Variants in EYS observed in about 807,000 individuals in gnomAD.
EYS encodes the protein EGF-like photoreceptor maintenance factor.
EYS carries 250 observed loss-of-function variants against 282.1 expected under a neutral mutation model. The observed-to-expected ratio is 0.89, with a 90% confidence interval of 0.80 to 0.98. The LOEUF is 0.98. EYS is among the 50% of genes least tolerant of loss of function. The pLI is 0.00. For missense variants in EYS, 4,016 were observed against 3,709.0 expected, an observed-to-expected ratio of 1.08 and a Z score of -2.15; for synonymous variants, 1,355 against 1,282.9, an observed-to-expected ratio of 1.06 and a Z score of -1.20.
intron 31 of EYS, among the ~76,000 whole-genome samples, chr6:64,188,330 C>A (rs1358997104): frequency 6.6e-6 from 1 of 152,040 alleles, no homozygotes; most frequent in Non-Finnish European, 1.5e-5. Flanking sequence ...TTCTGATCAT[C>A]TTTTTACACA....
intron 10 of EYS, among the ~76,000 whole-genome samples, chr6:65,338,292 GTC>G (rs1491180584): frequency 3.0e-4 from 46 of 151,138 alleles, no homozygotes; most frequent in Admixed American, 5.3e-4. Context: ...CACATAAGAA[GTC>G]TCTCAGAAAA....
At chr6:65,513,576 A>T (rs200613831) in intron 2 of EYS, among the ~76,000 whole-genome samples, 13 of 149,886 alleles carry the variant, frequency 8.7e-5, no homozygotes, top group African/African-American at 2.2e-4. Context: ...GCAGCACATC[A>T]AAAAGCTTAT....
intron 11 of EYS, among the ~76,000 whole-genome samples, chr6:65,327,619 A>ATGGAATT (rs1415768015): frequency 5.3e-5 from 8 of 151,616 alleles, no homozygotes; most frequent in Admixed American, 3.9e-4. Context: ...ACTTCATACA[A>ATGGAATT]TGGAATTCAT....
chr6:65,320,208 G>T (rs1360408667), intron 11 of EYS, among the ~76,000 whole-genome samples: 1 of 145,556 alleles, frequency 6.9e-6, no homozygotes, highest in Non-Finnish European at 1.5e-5. Context: ...AGGGACTGAA[G>T]TCAAGAGGGA....
intron 30 of EYS, among the ~76,000 whole-genome samples, chr6:64,291,100 T>C (rs1308509716): frequency 6.6e-6 from 1 of 150,938 alleles, no homozygotes; most frequent in Non-Finnish European, 1.5e-5. Flanking sequence ...TTAACTTTTA[T>C]TCTGAAGGCC....
rs2150125939 is a variant in EYS at position 64,997,709 on chromosome 6, A to C, written c.2138-6T>G. 1 of 1,550,282 alleles carries C rather than the reference A, an allele frequency of 6.5e-7. No individual in the cohort carries two copies. The highest frequency in any genetic ancestry group is 2.4e-5 in the East Asian group (1 of 40,840). On this transcript the variant is annotated splice_polypyrimidine_tract_variant and splice_region_variant and intron_variant, in intron 13 of 42. Coordinates refer to ENST00000503581, the MANE Select transcript of EYS (RefSeq NM_001142800.2). The stretch of plus-strand genomic sequence containing the variant: ...GCAGGAAAAGCCATCAACCACTGGA[A>C]ACAACAGAAAAGAGAAAACTCTTAA...
intron 14 of EYS, among the ~76,000 whole-genome samples, chr6:64,953,116 A>G (rs1188285729): frequency 6.6e-6 from 1 of 151,892 alleles, no homozygotes; most frequent in African/African-American, 2.4e-5. Context: ...CTATAAATGA[A>G]GGATTAAAAT....
intron 22 of EYS, among the ~76,000 whole-genome samples, chr6:64,693,527 T>A (rs1202235579): frequency 6.6e-6 from 1 of 152,160 alleles, no homozygotes; most frequent in East Asian, 1.9e-4. Flanking sequence ...GGTGCCAAAG[T>A]AATTCAATAG....
chr6:64,634,979 T>C (rs547397080), intron 22 of EYS, among the ~76,000 whole-genome samples: 7 of 152,244 alleles, frequency 4.6e-5, no homozygotes, highest in African/African-American at 1.7e-4. Context: ...TCCATTTGTT[T>C]GTATCCTCTT....
intron 1 of EYS, among the ~76,000 whole-genome samples, chr6:65,659,923 T>C (rs1286881411): frequency 6.6e-6 from 1 of 151,688 alleles, no homozygotes; most frequent in Admixed American, 6.6e-5. Flanking sequence ...AGATAACAGC[T>C]CTTGGAAGTC....
chr6:63,987,536 G>A (rs1767424629), intron 34 of EYS, among the ~76,000 whole-genome samples: 1 of 151,612 alleles, frequency 6.6e-6, no homozygotes, highest in Admixed American at 6.6e-5. Context: ...TTCTCTGTAA[G>A]AATTTATGAG....
intron 35 of EYS, among the ~76,000 whole-genome samples, chr6:63,912,298 C>G (rs420788): frequency 6.6e-6 from 1 of 151,992 alleles, no homozygotes; most frequent in Admixed American, 6.5e-5. Flanking sequence ...AATTTCTAGG[C>G]CAGGGCTATT....
chr6:64,504,051 G>A (rs981011466), intron 26 of EYS, among the ~76,000 whole-genome samples: 10 of 152,136 alleles, frequency 6.6e-5, no homozygotes, highest in Admixed American at 5.9e-4. Context: ...CTGTGGATCT[G>A]TGAGTCAACT....
In EYS at chr6:64,618,179, A is replaced by C. The variant is rs146961956; in HGVS notation, c.3569-646T>G. 4.6e-3 allele frequency among the ~76,000 whole-genome samples: 693 copies of C among 152,280 alleles called. 6 individuals are homozygous for C. Among genetic ancestry groups the C allele is most frequent in the Non-Finnish European group, 5.6e-3 (383 of 67,986 alleles). The stretch of plus-strand genomic sequence containing the variant: ...ATTTTGTTTGGCTTTTGCTAGTCAA[A>C]CATTTTATTATTTCCATCATCAACC... On this transcript the variant is annotated intron_variant, in intron 23 of 42. Coordinates refer to ENST00000503581, the MANE Select transcript of EYS (RefSeq NM_001142800.2).
intron 11 of EYS, among the ~76,000 whole-genome samples, chr6:65,310,820 C>T (rs1314404173): frequency 1.3e-5 from 2 of 152,152 alleles, no homozygotes; most frequent in East Asian, 1.9e-4. Context: ...GGGTTTTCAC[C>T]ATCCTAGCTA....
chr6:64,568,587 C>A (rs1248306371), intron 26 of EYS, among the ~76,000 whole-genome samples: 2 of 152,164 alleles, frequency 1.3e-5, no homozygotes, highest in Non-Finnish European at 2.9e-5. Flanking sequence ...CCTGCTGACT[C>A]TGAAGAGAGA....
intron 2 of EYS, among the ~76,000 whole-genome samples, chr6:65,523,011 G>A (rs1025177873): frequency 4.6e-5 from 7 of 151,874 alleles, no homozygotes; most frequent in African/African-American, 1.7e-4. Flanking sequence ...TGATTATTTT[G>A]TGAGAATTAA....
intron 2 of EYS, among the ~76,000 whole-genome samples, chr6:65,520,311 A>T (rs1767319258): frequency 6.6e-6 from 1 of 152,120 alleles, no homozygotes; most frequent in East Asian, 1.9e-4. Flanking sequence ...ATTTCCACAA[A>T]ATTTATAGTT....
rs55860475 is a variant in EYS at position 63,930,280 on chromosome 6, A to ACC, written c.7055+54101_7055+54102dup. Among the ~76,000 whole-genome samples the ACC allele has an allele frequency of 8.6e-3, 1,106 of 128,000 alleles. 3 individuals are homozygous for ACC. The highest frequency in any genetic ancestry group is 0.011 in the Non-Finnish European group (687 of 62,498). 84.0% of individuals were successfully genotyped at this position (128,000 alleles called of 152,430 possible). On this transcript the variant is annotated intron_variant, in intron 35 of 42. Transcript: ENST00000503581. The stretch of plus-strand genomic sequence containing the variant: ...TGTCAATTAAAAATGTAAGAAACCC[A>ACC]CCCCCCCCACCCAAAAACCAAACAA...
Sources: allele counts gnomAD v4.1 joint callset (sites outside exome capture counted in the v4.1 genomes callset), GRCh38; gene constraint gnomAD v4.1.1; transcripts MANE v1.5; gene names NCBI Gene and HGNC (gene_info 2026-07-23, HGNC 2026-07-21).